SLC11A2: variants seen among roughly 807,000 people sequenced by gnomAD.
The protein encoded by SLC11A2 is natural resistance-associated macrophage protein 2.
A neutral mutation model predicts 68.0 loss-of-function variants in SLC11A2; 38 were observed. The observed-to-expected ratio is 0.56, with a 90% CI of 0.43 to 0.73. SLC11A2 has a LOEUF of 0.73. Ranked by LOEUF, SLC11A2 falls within the 30% of genes least tolerant of loss-of-function variation. The probability of loss-of-function intolerance (pLI) is 0.00; values close to 1 mark genes in which losing one functional copy is unlikely to be tolerated. For missense variants in SLC11A2, 517 were observed against 690.5 expected, an observed-to-expected ratio of 0.75 and a Z score of 2.82; for synonymous variants, 242 against 250.6, an observed-to-expected ratio of 0.97 and a Z score of 0.32.
chr12:50,992,614 C>T (rs576690861), intron 12 of SLC11A2, among the ~76,000 whole-genome samples, 196 bp downstream of exon 12: 1 of 151,750 alleles, frequency 6.6e-6, no homozygotes, highest in African/African-American at 2.4e-5. Context: ...AGCCTGTAAT[C>T]CTAGCTACTC....
At chr12:50,985,237 A>C, downstream of SLC11A2, among the ~76,000 whole-genome samples, 1 of 152,192 alleles carries the variant, frequency 6.6e-6, no homozygotes, top group South Asian at 2.1e-4. Context: ...GCAGAGCTAA[A>C]GGAAATGTTT....
At chr12:51,007,873 T>C (rs1942862176) in intron 3 of SLC11A2, among the ~76,000 whole-genome samples, 1 of 152,036 alleles carries the variant, frequency 6.6e-6, no homozygotes, top group Non-Finnish European at 1.5e-5. Flanking sequence ...ACTCCTGGGC[T>C]CAAGTGATCC....
chr12:51,004,733 ACACACAGATTCCTATGG>A, intron 5 of SLC11A2, 38 bp downstream of exon 5: 1 of 1,604,138 alleles, frequency 6.2e-7, no homozygotes, highest in Middle Eastern at 1.7e-4. Context: ...ATACCGCCAG[ACACACAGATTCCTATGG>A]CATGGGTGAG....
the SLC11A2 span, chr12:50,960,849 A>ATTT: frequency 5.4e-5 from 35 of 653,586 alleles, no homozygotes; most frequent in South Asian, 1.4e-4. Context: ...TGTGTGGCTA[A>ATTT]TTTTTTTTTT....
Position 51,005,166 on chromosome 12 carries a change from T to C in SLC11A2, c.309+145A>G, listed in dbSNP as rs1942613083. ...CTATGTGGATAAAAATAAGACCAAA[T>C]GGAAAGTACTTTACACATAAGAGCC... On this transcript the variant is annotated intron_variant, in intron 4 of 15. Coordinates refer to ENST00000262052, the MANE Select transcript of SLC11A2 (RefSeq NM_000617.3). 4 of 950,248 alleles carry C rather than the reference T, an allele frequency of 4.2e-6. No homozygotes were observed. In the African/African-American group the frequency reaches 6.6e-5, roughly 16 times the overall value. The allele number at this position is 950,248 out of a possible 1,614,324, so 58.9% of individuals were successfully genotyped here. A position where few individuals can be genotyped will look rare whatever the true frequency, so the allele number is the denominator to read the frequency against.
At chr12:50,955,430 G>A in the SLC11A2 span, among the ~76,000 whole-genome samples, 2 of 152,178 alleles carry the variant, frequency 1.3e-5, no homozygotes, top group Admixed American at 1.3e-4. Flanking sequence ...TTTGAAGTCT[G>A]AGCTTTCTCT....
At chr12:50,956,513 T>G in the SLC11A2 span, among the ~76,000 whole-genome samples, 1 of 152,214 alleles carries the variant, frequency 6.6e-6, no homozygotes, top group Non-Finnish European at 1.5e-5. Flanking sequence ...TTACAAAACA[T>G]TTTTTGTTGG....
rs1159518097 is a variant in SLC11A2, at chr12:51,026,380, A to AAG, written c.-110_-109insCT. On this transcript the variant is annotated 5_prime_UTR_variant, in exon 1 of 16. Coordinates refer to ENST00000262052, the MANE Select transcript of SLC11A2 (RefSeq NM_000617.3). ...GCTCCATATTCCGGGAGCCAGCGCC[A>AAG]CGCTGGCTAACGCCCTCCCCTCCCC... 7.8e-7 allele frequency: 1 copy of AAG among 1,277,240 alleles called. No homozygotes were observed. The highest frequency in any genetic ancestry group is 1.0e-6 in the Non-Finnish European group (1 of 980,444). 79.1% of individuals were successfully genotyped at this position (1,277,240 alleles called of 1,614,324 possible).
chr12:51,011,073 G>T (rs922280743), intron 1 of SLC11A2, among the ~76,000 whole-genome samples: 1 of 152,156 alleles, frequency 6.6e-6, no homozygotes, highest in African/African-American at 2.4e-5. Context: ...CGGATGGCAG[G>T]GGGTGGTGGA....
At chr12:51,028,298 G>GT, upstream of SLC11A2, 1 of 1,205,954 alleles carries the variant, frequency 8.3e-7, no homozygotes, top group African/African-American at 1.5e-5. Context: ...GCCTCCCTCA[G>GT]TTAGATAAAG....
the SLC11A2 span, among the ~76,000 whole-genome samples, chr12:50,952,617 G>A: frequency 6.6e-6 from 1 of 152,202 alleles, no homozygotes; most frequent in Non-Finnish European, 1.5e-5. Flanking sequence ...CACAGGCGCA[G>A]GGACTAGCCA....
intron 5 of SLC11A2, among the ~76,000 whole-genome samples, chr12:51,002,638 C>CAA (rs755823057): frequency 5.6e-5 from 4 of 71,776 alleles, no homozygotes; most frequent in Admixed American, 2.2e-4. Flanking sequence ...GACTTGGTCT[C>CAA]AAAAAAAAAA....
chr12:50,996,843 T>C lies in SLC11A2; in HGVS notation c.805A>G (p.Met269Val). The C allele has an allele frequency of 6.2e-7, 1 of 1,614,054 alleles. No individual in the cohort carries two copies. Among genetic ancestry groups the C allele is most frequent in the Non-Finnish European group, 8.5e-7 (1 of 1,180,008 alleles). The change falls in exon 9 of 16, where the codon ATG becomes GTG. Residue 269 changes from methionine to valine, a missense_variant. By Grantham distance (21) the Met-to-Val change is conservative. Transcript: ENST00000262052. ...IVGAVIMPHN[M>V]YLHSALVKSR... ...TTGACTAAGGCAGAATGCAGGTACATGTTGTGTGGCATGATGACAGCTCCC... is the reference window on the plus strand; with the variant it reads ...TTGACTAAGGCAGAATGCAGGTACACGTTGTGTGGCATGATGACAGCTCCC...
At chr12:51,021,803 G>C (rs369764856) in intron 1 of SLC11A2, among the ~76,000 whole-genome samples, 10 of 152,080 alleles carry the variant, frequency 6.6e-5, no homozygotes, top group African/African-American at 1.4e-4. Flanking sequence ...AGAAGAGGAG[G>C]GGGGAGGAAG....
At chr12:50,958,820 C>T in the SLC11A2 span, among the ~76,000 whole-genome samples, 1 of 151,380 alleles carries the variant, frequency 6.6e-6, no homozygotes, top group Non-Finnish European at 1.5e-5. Flanking sequence ...AGTTCAAAGC[C>T]AGCCTGGCCA....
Position 51,000,356 on chromosome 12 carries a change from C to A in SLC11A2, c.493G>T (p.Val165Phe). 1 of 1,614,132 alleles carries A rather than the reference C, an allele frequency of 6.2e-7. No homozygotes were observed. The highest frequency in any genetic ancestry group is 8.5e-7 in the Non-Finnish European group (1 of 1,179,960). Residue 165 changes from valine (V) to phenylalanine (F), a missense_variant, in exon 6 of 16, where the codon GTC (valine) becomes TTC (phenylalanine). Transcript: ENST00000262052. The part of the protein sequence containing the change: ...LAIIGSDMQE[V>F]IGSAIAINLL... ...TTGATAGCAATGGCTGAGCCAATGA[C>A]TTCTTGCATGTCTGAGCCGATGATA...
intron 10 of SLC11A2, among the ~76,000 whole-genome samples, chr12:50,995,339 C>G (rs966937621): frequency 7.9e-5 from 12 of 152,076 alleles, no homozygotes; most frequent in Non-Finnish European, 1.3e-4. Context: ...AATCAGAAAT[C>G]AAGATTGATA....
the SLC11A2 span, among the ~76,000 whole-genome samples, chr12:50,965,912 T>A: frequency 6.6e-6 from 1 of 152,162 alleles, no homozygotes; most frequent in Non-Finnish European, 1.5e-5. Flanking sequence ...AATGACTCAA[T>A]TCTAGGAATT....
At chr12:50,969,678 G>A in the SLC11A2 span, among the ~76,000 whole-genome samples, 2 of 150,934 alleles carry the variant, frequency 1.3e-5, no homozygotes, top group Non-Finnish European at 3.0e-5. Context: ...CTCCAGCCTG[G>A]GTGACAAGAG....
Sources: gnomAD v4.1 joint callset for allele counts (sites outside exome capture counted in the v4.1 genomes callset) on GRCh38, gnomAD v4.1.1 for gene constraint, MANE v1.5 for transcripts, NCBI Gene and HGNC (gene_info 2026-07-23, HGNC 2026-07-21) for gene names.